Variants in PHC3 observed in about 807,000 individuals in gnomAD.
PHC3 encodes the protein polyhomeotic homolog 3.
In PHC3, 13 loss-of-function variants were observed where a neutral mutation model predicts 107.4. The ratio of observed to expected loss-of-function variants is 0.12; its 90% CI spans 0.08 to 0.19. The LOEUF (loss-of-function observed/expected upper bound fraction) is 0.19, where lower values mean the gene tolerates loss of function less well. Among genes scored for constraint, PHC3 ranks in the 10% least tolerant of loss-of-function variants. PHC3 has a pLI of 1.00. For synonymous variants in PHC3, 456 were observed against 427.4 expected (o/e 1.07, Z -0.83); for missense variants, 992 against 1,210.9 (o/e 0.82, Z 2.68).
intron 1 of PHC3, among the ~76,000 whole-genome samples, chr3:170,179,374 G>A (rs1560145189): frequency 6.6e-6 from 1 of 152,288 alleles, no homozygotes; most frequent in Non-Finnish European, 1.5e-5. Flanking sequence ...CATTAGAACA[G>A]AATGCCTAGG....
At chr3:170,103,166 A>G (rs950605364) in intron 12 of PHC3, among the ~76,000 whole-genome samples, 1 of 152,208 alleles carries the variant, frequency 6.6e-6, no homozygotes, top group Non-Finnish European at 1.5e-5. Flanking sequence ...CTGGACATCT[A>G]TAACAAGGTA....
chr3:170,129,576 T>C, intron 7 of PHC3, 24 bp from the exon 8 acceptor site: 2 of 1,570,548 alleles, frequency 1.3e-6, no homozygotes, highest in Non-Finnish European at 1.7e-6. Context: ...AAATGACAAT[T>C]AGTACTGATT....
intron 8 of PHC3, among the ~76,000 whole-genome samples, chr3:170,127,612 T>C (rs1721550065): frequency 6.6e-6 from 1 of 152,160 alleles, no homozygotes; most frequent in South Asian, 2.1e-4. Context: ...TTGAGGATAA[T>C]CCAAGTATGA....
Position 170,128,675 on chromosome 3 carries a change from A to C in PHC3, c.1788+9T>G. The C allele has an allele frequency of 6.2e-7, 1 of 1,610,232 alleles. No individual in the cohort carries two copies. Among genetic ancestry groups the C allele is most frequent in the Non-Finnish European group, 8.5e-7 (1 of 1,177,948 alleles). On this transcript the variant is annotated intron_variant, in intron 8 of 14. Coordinates refer to ENST00000495893, the MANE Select transcript of PHC3 (RefSeq NM_024947.4). ...CAGCAAGAAAGTCAAAGAGCTTCCA[A>C]GGGCTTACCACTGGTGGATCAACAG...
At chr3:170,113,312 T>C (rs1469486482) in intron 11 of PHC3, 48 bp downstream of exon 11, 6 of 1,537,482 alleles carry the variant, frequency 3.9e-6, no homozygotes, top group Non-Finnish European at 4.4e-6. Flanking sequence ...TTTTAAGCAG[T>C]AAAAGTCAAA....
intron 6 of PHC3, among the ~76,000 whole-genome samples, chr3:170,140,868 G>A (rs1477702095): frequency 6.6e-6 from 1 of 151,982 alleles, no homozygotes; most frequent in Non-Finnish European, 1.5e-5. Context: ...AAAGTGCTGG[G>A]ATTACAGGCA....
At chr3:170,168,729 G>C (rs1729120312) in intron 4 of PHC3, among the ~76,000 whole-genome samples, 1 of 147,108 alleles carries the variant, frequency 6.8e-6, no homozygotes, top group South Asian at 2.2e-4. Context: ...ACTCCAGCCT[G>C]GGAGACAGAG....
At chr3:170,109,362 A>G (rs910486431) in intron 11 of PHC3, among the ~76,000 whole-genome samples, 1 of 152,118 alleles carries the variant, frequency 6.6e-6, no homozygotes, top group African/African-American at 2.4e-5. Context: ...CCCCCATCTC[A>G]TTGGTTAGAA....
At chr3:170,126,529 T>TATATATATATATATATATCTATA (rs1491097010) in intron 8 of PHC3, among the ~76,000 whole-genome samples, 1 of 39,984 alleles carries the variant, frequency 2.5e-5, no homozygotes, top group African/African-American at 8.0e-5. Context: ...TATATATATA[T>TATATATATATATATATATCTATA]TTTTTTTTTT....
At chr3:170,139,358 C>T (rs1723661480) in intron 6 of PHC3, among the ~76,000 whole-genome samples, 1 of 152,106 alleles carries the variant, frequency 6.6e-6, no homozygotes, top group Admixed American at 6.6e-5. Context: ...CAACAAGTAT[C>T]TAGAAGAGGC....
At chr3:170,145,879 G>GAAGTTA (rs200670089) in intron 5 of PHC3, among the ~76,000 whole-genome samples, 1,854 of 152,234 alleles carry the variant, frequency 0.012, 39 homozygotes, top group African/African-American at 0.042. Flanking sequence ...CCTAAAATGG[G>GAAGTTA]AAGTAAACAA....
In PHC3 at chr3:170,122,676, A is replaced by G; in HGVS notation, c.1857T>C (p.Asp619=). The stretch of plus-strand genomic sequence containing the variant: ...ACAAAGTGGGTGGTGGTGGGGTTCT[A>G]TCCATCCGGACACATTCATCTGACT... ...PEESDECVRM[D]RTPPPPTLSP... is the part of the protein sequence containing the mutation. Residue 619 remains aspartate, a synonymous_variant, in exon 9 of 15, where the codon GAT becomes GAC. Transcript: ENST00000495893. 2 of 1,613,974 alleles carry G rather than the reference A, an allele frequency of 1.2e-6. No individual in the cohort carries two copies. Among genetic ancestry groups the G allele is most frequent in the Non-Finnish European group, 1.7e-6 (2 of 1,179,876 alleles).
intron 2 of PHC3, among the ~76,000 whole-genome samples, chr3:170,174,858 T>C (rs1373518778): frequency 2.0e-5 from 3 of 152,220 alleles, no homozygotes; most frequent in Non-Finnish European, 2.9e-5. Flanking sequence ...ACAATATACC[T>C]TTTTTAGTCA....
At chr3:170,178,367 G>A (rs897479698) in intron 2 of PHC3, among the ~76,000 whole-genome samples, 3 of 151,944 alleles carry the variant, frequency 2.0e-5, no homozygotes, top group Admixed American at 2.0e-4. Flanking sequence ...TCCTGACCTC[G>A]TGATCCGCCC....
intron 2 of PHC3, 24 bp downstream of exon 2, chr3:170,178,749 T>C: frequency 5.0e-6 from 8 of 1,611,210 alleles, no homozygotes; most frequent in Non-Finnish European, 3.4e-6. Context: ...AGTCTTAGAC[T>C]ACCCATCACT....
intron 2 of PHC3, 141 bp downstream of exon 2, chr3:170,178,632 A>C: frequency 1.1e-6 from 1 of 933,244 alleles, no homozygotes; most frequent in Non-Finnish European, 1.7e-6. Context: ...TAGCCACACA[A>C]AATGGATTGA....
At chr3:170,113,250 A>G (rs1577011537) in intron 11 of PHC3, 110 bp downstream of exon 11, 1 of 1,051,400 alleles carries the variant, frequency 9.5e-7, no homozygotes, top group Non-Finnish European at 1.3e-6. Flanking sequence ...TATGAAAATA[A>G]AAGTTGAATA....
chr3:170,120,715 A>G (rs1720102967), intron 9 of PHC3, among the ~76,000 whole-genome samples: 1 of 151,918 alleles, frequency 6.6e-6, no homozygotes, highest in African/African-American at 2.4e-5. Flanking sequence ...AATAGTAGTG[A>G]GGGAATAGAA....
intron 4 of PHC3, among the ~76,000 whole-genome samples, chr3:170,166,671 T>C (rs1416968900): frequency 7.1e-6 from 1 of 140,218 alleles, no homozygotes; most frequent in African/African-American, 2.4e-5. Flanking sequence ...ACAGATTATT[T>C]TGGCTTTTTT....
Sources: gnomAD v4.1 joint callset for allele counts (sites outside exome capture counted in the v4.1 genomes callset) on GRCh38, gnomAD v4.1.1 for gene constraint, MANE v1.5 for transcripts, NCBI Gene and HGNC (gene_info 2026-07-23, HGNC 2026-07-21) for gene names.